STPG2: variants seen among roughly 807,000 people sequenced by gnomAD.
STPG2 encodes the protein sperm tail PG-rich repeat containing 2, also known as sperm-tail PG-rich repeat-containing protein 2.
STPG2 carries 56 observed loss-of-function variants against 54.2 expected under a neutral mutation model. The observed-to-expected ratio is 1.03, with a 90% CI of 0.83 to 1.29. The LOEUF (loss-of-function observed/expected upper bound fraction) is 1.29, where lower values mean the gene tolerates loss of function less well. STPG2 is among the 50% of genes most tolerant of loss of function. The probability of loss-of-function intolerance (pLI) is 0.00; values close to 1 mark genes in which losing one functional copy is unlikely to be tolerated. For synonymous variants in STPG2, 200 were observed against 181.8 expected (o/e 1.10, Z -0.81); for missense variants, 596 against 544.9 (o/e 1.09, Z -0.93).
intron 4 of STPG2, among the ~76,000 whole-genome samples, chr4:97,455,722 G>A (rs1729499536): frequency 6.6e-6 from 1 of 152,196 alleles, no homozygotes; most frequent in Non-Finnish European, 1.5e-5. Flanking sequence ...CTCTGTCCTT[G>A]CAATGAGGCA....
At chr4:97,788,706 T>C (rs1385659672) in intron 9 of STPG2, among the ~76,000 whole-genome samples, 5 of 152,016 alleles carry the variant, frequency 3.3e-5, no homozygotes, top group African/African-American at 7.2e-5. Flanking sequence ...TGTACAAGGG[T>C]TCCCTTTTCT....
chr4:97,518,750 G>A (rs541427364), intron 4 of STPG2, among the ~76,000 whole-genome samples: 1 of 152,094 alleles, frequency 6.6e-6, no homozygotes, highest in South Asian at 2.1e-4. Context: ...TCCTCCAAAT[G>A]AACTGCCTGT....
intron 5 of STPG2, among the ~76,000 whole-genome samples, chr4:98,027,272 T>G (rs375443001): frequency 1.4e-4 from 21 of 152,316 alleles, no homozygotes; most frequent in African/African-American, 3.4e-4. Context: ...TTCCAGGGAT[T>G]AGGATATGAA....
chr4:98,019,270 G>A (rs557336966), intron 5 of STPG2, among the ~76,000 whole-genome samples: 2 of 152,304 alleles, frequency 1.3e-5, no homozygotes, highest in African/African-American at 4.8e-5. Context: ...TTATTAAATA[G>A]GGAATCCCTT....
intron 4 of STPG2, among the ~76,000 whole-genome samples, chr4:97,515,073 C>T (rs899866943): frequency 3.3e-5 from 5 of 152,084 alleles, no homozygotes; most frequent in East Asian, 1.9e-4. Flanking sequence ...GAACGTGAGA[C>T]GTGACTAATA....
intron 6 of STPG2, 124 bp downstream of exon 6, chr4:97,981,035 G>T: frequency 1.0e-6 from 1 of 956,286 alleles, no homozygotes; most frequent in Non-Finnish European, 1.5e-6. Context: ...AAAAAATGTT[G>T]ACTTAAAATG....
intron 5 of STPG2, among the ~76,000 whole-genome samples, chr4:98,034,294 C>T (rs186966323): frequency 6.6e-6 from 1 of 152,208 alleles, no homozygotes; most frequent in East Asian, 1.9e-4. Flanking sequence ...CACAAGCATT[C>T]CTATACATCA....
intron 9 of STPG2, among the ~76,000 whole-genome samples, chr4:97,837,128 C>T (rs1196686425): frequency 6.6e-6 from 1 of 151,558 alleles, no homozygotes; most frequent in East Asian, 1.9e-4. Flanking sequence ...ATTAACTAAA[C>T]TCCACTTTTC....
chr4:97,623,599 G>A lies in STPG2; in HGVS notation c.1321-64482C>T, dbSNP rs528520179. On this transcript the variant is annotated intron_variant, in intron 10 of 10. Transcript: ENST00000295268. ...ATTAAAAAGTCAAAAAATAACCAGC[G>A]CTGGAGAGGTAGTGGAGAAAAAATT... Among the ~76,000 whole-genome samples, 653 of 152,096 alleles carry A rather than the reference G, an allele frequency of 4.3e-3. 3 individuals are homozygous for A. Among genetic ancestry groups the A allele is most frequent in the South Asian group, 0.021 (99 of 4,810 alleles).
intron 5 of STPG2, among the ~76,000 whole-genome samples, chr4:98,042,382 C>T (rs1736989486): frequency 6.6e-6 from 1 of 151,150 alleles, no homozygotes; most frequent in Non-Finnish European, 1.5e-5. Flanking sequence ...GTTTGGTTTG[C>T]TTTGGTTTCT....
At chr4:97,467,252 G>A (rs1435827458) in intron 4 of STPG2, among the ~76,000 whole-genome samples, 1 of 151,568 alleles carries the variant, frequency 6.6e-6, no homozygotes, top group Non-Finnish European at 1.5e-5. Context: ...CATAAAAGAG[G>A]TTTATCATTT....
At chr4:97,537,357 A>G (rs1009817976) in intron 4 of STPG2, among the ~76,000 whole-genome samples, 2 of 152,140 alleles carry the variant, frequency 1.3e-5, no homozygotes, top group Admixed American at 1.3e-4. Flanking sequence ...AATATTGCAC[A>G]TTTCCAACAG....
intron 4 of STPG2, among the ~76,000 whole-genome samples, chr4:97,517,627 C>A (rs1731102029): frequency 6.6e-6 from 1 of 151,918 alleles, no homozygotes; most frequent in African/African-American, 2.4e-5. Context: ...TTAAAACCAA[C>A]AAATTTTATT....
chr4:98,060,143 G>A (rs756833571), intron 5 of STPG2, among the ~76,000 whole-genome samples: 1 of 152,228 alleles, frequency 6.6e-6, no homozygotes, highest in Non-Finnish European at 1.5e-5. Flanking sequence ...TTTGTTTGCA[G>A]ATGACATAAT....
At chr4:98,139,880 G>A (rs1740232893) in intron 1 of STPG2, among the ~76,000 whole-genome samples, 1 of 152,130 alleles carries the variant, frequency 6.6e-6, no homozygotes, top group African/African-American at 2.4e-5. Context: ...TTTATTTCAA[G>A]ATTACTGTTT....
chr4:97,886,242 T>C lies in STPG2; in HGVS notation c.1045-45310A>G, dbSNP rs555295189. ...TACTGAACTTTATAGAAAAAAATAA[T>C]TTAGGCATCGAGGCAAAAAAGACTA... On this transcript the variant is annotated intron_variant, in intron 8 of 10. Transcript: ENST00000295268. 3.9e-5 allele frequency among the ~76,000 whole-genome samples: 6 copies of C among 152,046 alleles called. No homozygotes were observed. The South Asian group carries it at 8.3e-4, about 21-fold the overall frequency.
intron 5 of STPG2, among the ~76,000 whole-genome samples, chr4:98,077,225 T>TTTTTTG (rs1553939674): frequency 0.26 from 39,140 of 148,460 alleles, 5,276 homozygotes; most frequent in Middle Eastern, 0.33. Context: ...CCTCAATAGT[T>TTTTTTG]TTGTTGTTGT....
intron 8 of STPG2, among the ~76,000 whole-genome samples, chr4:97,936,861 G>A (rs1014741659): frequency 2.6e-5 from 4 of 152,092 alleles, no homozygotes; most frequent in African/African-American, 9.7e-5. Context: ...GTGTCTTGGG[G>A]TTGATCTACT....
chr4:97,743,726 T>A (rs1725338085), intron 9 of STPG2, among the ~76,000 whole-genome samples: 1 of 151,686 alleles, frequency 6.6e-6, no homozygotes, highest in African/African-American at 2.4e-5. Flanking sequence ...TGCACATATA[T>A]GCCTGTAATG....
Sources: gnomAD v4.1 joint callset for allele counts (sites outside exome capture counted in the v4.1 genomes callset) on GRCh38, gnomAD v4.1.1 for gene constraint, MANE v1.5 for transcripts, NCBI Gene and HGNC (gene_info 2026-07-23, HGNC 2026-07-21) for gene names.